Variants in ASB7 observed in about 807,000 individuals in gnomAD.
ASB7 encodes ankyrin repeat and SOCS box containing 7.
Under a neutral mutation model 32.5 loss-of-function variants are expected in ASB7, and 4 were observed. The ratio of observed to expected loss-of-function variants is 0.12; its 90% CI spans 0.06 to 0.28. The LOEUF is 0.28. Ranked by LOEUF, ASB7 falls within the 10% of genes least tolerant of loss-of-function variation. The pLI is 1.00. For synonymous variants in ASB7, 172 were observed against 155.6 expected, an observed-to-expected ratio of 1.11 and a Z score of -0.78; for missense variants, 181 against 407.1, an observed-to-expected ratio of 0.44 and a Z score of 4.78.
chr15:100,641,237 A>G (rs1050275401), intron 5 of ASB7, among the ~76,000 whole-genome samples: 17 of 152,048 alleles, frequency 1.1e-4, no homozygotes, highest in Non-Finnish European at 2.1e-4. Context: ...AATCTCTGGG[A>G]TAGTGTATTG....
At chr15:100,631,996 G>A (rs1946412374) in intron 5 of ASB7, among the ~76,000 whole-genome samples, 2 of 152,180 alleles carry the variant, frequency 1.3e-5, no homozygotes, top group Non-Finnish European at 1.5e-5. Flanking sequence ...ATGGAGGCAC[G>A]CAGCCACGTG....
intron 5 of ASB7, among the ~76,000 whole-genome samples, chr15:100,643,592 T>A (rs1229882127): frequency 6.7e-6 from 1 of 149,206 alleles, no homozygotes; most frequent in East Asian, 2.0e-4. Flanking sequence ...TGGGTTCAAG[T>A]GATTCTCCTG....
In ASB7 at chr15:100,633,578, G is replaced by GA. The variant is rs371711115; in HGVS notation, c.817+3544dup. Among the ~76,000 whole-genome samples, 18 of 138,368 alleles carry GA rather than the reference G, an allele frequency of 1.3e-4. No individual in the cohort carries two copies. The East Asian group carries it at 1.5e-3, about 11-fold the overall frequency. 90.8% of individuals were successfully genotyped at this position (138,368 alleles called of 152,430 possible). ...GGTGACAAGAGTGAAACTCTCTCAA[G>GA]AAAAAAAAGAGGAAAGAGAGGAAAG... On this transcript the variant is annotated intron_variant, in intron 5 of 5. Coordinates refer to ENST00000332783, the MANE Select transcript of ASB7 (RefSeq NM_198243.3).
At chr15:100,612,525 G>C in intron 4 of ASB7, 98 bp downstream of exon 4, 2 of 1,135,334 alleles carry the variant, frequency 1.8e-6, no homozygotes, top group Non-Finnish European at 2.6e-6. Flanking sequence ...CTTCTCTTCT[G>C]TTAATACTCA....
chr15:100,603,054 C>T lies in ASB7; in HGVS notation c.-273+8C>T, dbSNP rs200396751. The T allele has an allele frequency of 8.8e-5, 35 of 399,284 alleles. No homozygotes were observed. The highest frequency in any genetic ancestry group is 8.2e-4 in the East Asian group (23 of 28,086). 24.7% of individuals were successfully genotyped at this position (399,284 alleles called of 1,614,324 possible). On this transcript the variant is annotated splice_region_variant and intron_variant, in intron 1 of 5. Coordinates refer to ENST00000332783, the MANE Select transcript of ASB7 (RefSeq NM_198243.3). The stretch of plus-strand genomic sequence containing the variant: ...CAGCAGCTGAGGAGACAGGTAAAGT[C>T]CTTTACTTCCCCCGAGGGGAAGAGT...
intron 5 of ASB7, among the ~76,000 whole-genome samples, chr15:100,631,597 C>T (rs1485174334): frequency 6.6e-6 from 1 of 152,144 alleles, no homozygotes; most frequent in Non-Finnish European, 1.5e-5. Flanking sequence ...CACTTAAATG[C>T]CTCAGCCCCC....
intron 5 of ASB7, chr15:100,646,225 C>A: frequency 2.5e-6 from 1 of 403,686 alleles, no homozygotes; most frequent in Non-Finnish European, 4.9e-6. Flanking sequence ...CAGGCCACAT[C>A]TGTTAACAAT....
At chr15:100,645,814 C>T in intron 5 of ASB7, 5 of 1,377,794 alleles carry the variant, frequency 3.6e-6, no homozygotes, top group African/African-American at 1.4e-5. Context: ...CTTAAGATTG[C>T]CAAACGCGAC....
intron 1 of ASB7, 67 bp from the exon 2 acceptor site, chr15:100,603,148 C>T: frequency 5.1e-6 from 2 of 392,072 alleles, no homozygotes; most frequent in East Asian, 7.2e-5. Context: ...CTCTCCAGCC[C>T]CTTTCCTGAG....
rs2141411374 is a variant in ASB7, at chr15:100,650,817, T to A, written c.*2355T>A. On this transcript the variant is annotated 3_prime_UTR_variant, in exon 6 of 6. Transcript: ENST00000332783. ...GCTTAAAAAGAATGTTTTATTTTTG[T>A]TGTTAATAAAATCCCAATCACATTT... 1 of 152,266 alleles carries A rather than the reference T, an allele frequency of 6.6e-6. No individual in the cohort carries two copies. The highest frequency in any genetic ancestry group is 1.9e-4 in the East Asian group (1 of 5,208). The allele number at this position is 152,266 out of a possible 1,614,324, so 9.4% of individuals were successfully genotyped here.
At chr15:100,632,263 G>C (rs906006733) in intron 5 of ASB7, among the ~76,000 whole-genome samples, 1 of 152,222 alleles carries the variant, frequency 6.6e-6, no homozygotes, top group African/African-American at 2.4e-5. Context: ...ACTGCGCACA[G>C]CGAGGGGTGG....
At chr15:100,609,353 C>G (rs1424514025) in intron 2 of ASB7, among the ~76,000 whole-genome samples, 1 of 152,060 alleles carries the variant, frequency 6.6e-6, no homozygotes, top group Non-Finnish European at 1.5e-5. Flanking sequence ...CTTATGGTGT[C>G]GGTTAAAAAG....
At chr15:100,645,616 A>G (rs1489919385) in intron 5 of ASB7, 1 of 832,920 alleles carries the variant, frequency 1.2e-6, no homozygotes, top group Non-Finnish European at 2.1e-6. Flanking sequence ...GCTGTGGTTC[A>G]TGGGTAGGAG....
At chr15:100,604,864 C>CT (rs1273321544) in intron 2 of ASB7, among the ~76,000 whole-genome samples, 1 of 152,166 alleles carries the variant, frequency 6.6e-6, no homozygotes, top group Admixed American at 6.5e-5. Context: ...TACTTCAGAA[C>CT]TTTTAAAAAA....
At chr15:100,643,801 C>CT (rs1038012078) in intron 5 of ASB7, among the ~76,000 whole-genome samples, 25 of 151,626 alleles carry the variant, frequency 1.6e-4, no homozygotes, top group Non-Finnish European at 2.5e-4. Context: ...CCAGCCCCTT[C>CT]TTTTTTTTAC....
chr15:100,637,370 A>G (rs2039931132), intron 5 of ASB7, among the ~76,000 whole-genome samples: 1 of 152,254 alleles, frequency 6.6e-6, no homozygotes, highest in Non-Finnish European at 1.5e-5. Context: ...TGAGCTTTGC[A>G]AATGAGGATT....
chr15:100,639,058 G>A (rs2039943949), intron 5 of ASB7, among the ~76,000 whole-genome samples: 1 of 152,224 alleles, frequency 6.6e-6, no homozygotes, highest in Non-Finnish European at 1.5e-5. Flanking sequence ...GTAGTAGACA[G>A]TGTTCAAAGA....
chr15:100,635,907 G>A (rs978422729), intron 5 of ASB7, among the ~76,000 whole-genome samples: 4 of 152,198 alleles, frequency 2.6e-5, no homozygotes, highest in African/African-American at 9.7e-5. Context: ...CTTTGTCATG[G>A]AGAAGGTTCT....
chr15:100,611,050 T>C (rs1321881798), intron 3 of ASB7, among the ~76,000 whole-genome samples: 1 of 152,184 alleles, frequency 6.6e-6, no homozygotes, highest in African/African-American at 2.4e-5. Flanking sequence ...TTTACTTTCT[T>C]ATTTTAATTT....
Sources: allele counts gnomAD v4.1 joint callset (sites outside exome capture counted in the v4.1 genomes callset), GRCh38; gene constraint gnomAD v4.1.1; transcripts MANE v1.5; gene names NCBI Gene and HGNC (gene_info 2026-07-23, HGNC 2026-07-21).